ZNF75D: variants seen among roughly 807,000 people sequenced by gnomAD.
The protein encoded by ZNF75D is zinc finger protein 75D, also known as zinc finger protein 75.
ZNF75D carries 33 observed loss-of-function variants against 33.3 expected under a neutral mutation model. The ratio of observed to expected loss-of-function variants is 0.99; its 90% CI spans 0.75 to 1.32. ZNF75D has a LOEUF of 1.32. Among genes scored for constraint, ZNF75D ranks in the 40% most tolerant of loss-of-function variants. The pLI is 0.00. For synonymous variants in ZNF75D, 113 were observed against 130.6 expected (o/e 0.87, Z 0.92); for missense variants, 338 against 367.5 (o/e 0.92, Z 0.66).
At chrX:135,293,632 G>A (rs2084080124) in intron 3 of ZNF75D, 98 bp downstream of exon 3, 1 of 852,749 alleles carries the variant, frequency 1.2e-6, no homozygotes, top group Non-Finnish European at 1.6e-6. Context: ...AGCAACAGAA[G>A]AGCGACTTAA....
rs151088321 is a variant in ZNF75D, at chrX:135,319,306, A to ATG, written c.-391+22460_-391+22461dup. ...GTTTCTTGGATTCTGTAAAGTACTTATGTTCTTCTAATTAATTATTTTGTT... is the reference window on the plus strand; with the variant it reads ...GTTTCTTGGATTCTGTAAAGTACTTATGTGTTCTTCTAATTAATTATTTTGTT... On this transcript the variant is annotated intron_variant, in intron 1 of 6. Coordinates refer to ENST00000370766, the MANE Select transcript of ZNF75D (RefSeq NM_007131.5). Among the ~76,000 whole-genome samples the ATG allele has an allele frequency of 3.6e-3, 403 of 112,407 alleles. 3 individuals carry two copies. Among genetic ancestry groups the ATG allele is most frequent in the Non-Finnish European group, 6.0e-3 (322 of 53,319 alleles).
chrX:135,320,796 A>G (rs1371430655), intron 1 of ZNF75D, among the ~76,000 whole-genome samples: 7 of 111,403 alleles, frequency 6.3e-5, no homozygotes, highest in Non-Finnish European at 7.5e-5. Context: ...AATTCTTCCA[A>G]TGCATTATGG....
chrX:135,336,925 C>T (rs960756256), intron 1 of ZNF75D, among the ~76,000 whole-genome samples: 23 of 111,533 alleles, frequency 2.1e-4, no homozygotes, highest in Admixed American at 1.0e-3. Context: ...CTCCACTAAT[C>T]AGATACCTGC....
intron 1 of ZNF75D, among the ~76,000 whole-genome samples, chrX:135,339,244 T>C (rs1361670285): frequency 9.0e-6 from 1 of 111,602 alleles, no homozygotes. Flanking sequence ...GTATTGATGG[T>C]TTCCATCATG....
At chrX:135,340,974 G>A (rs782637217) in intron 1 of ZNF75D, among the ~76,000 whole-genome samples, 5 of 111,993 alleles carry the variant, frequency 4.5e-5, no homozygotes, top group Non-Finnish European at 9.4e-5. Context: ...CATAGTTACT[G>A]TAATGGGCAG....
chrX:135,301,314 AAC>A (rs2148477114), intron 1 of ZNF75D, among the ~76,000 whole-genome samples: 1 of 111,256 alleles, frequency 9.0e-6, no homozygotes, highest in African/African-American at 3.3e-5. Context: ...TTTGGGTGGG[AAC>A]ACAGAGCCAA....
chrX:135,313,080 T>G (rs782357213), intron 1 of ZNF75D, among the ~76,000 whole-genome samples: 1 of 111,964 alleles, frequency 8.9e-6, no homozygotes, highest in Non-Finnish European at 1.9e-5. Context: ...CTTATGCCAA[T>G]GTCCTGAAGA....
intron 1 of ZNF75D, among the ~76,000 whole-genome samples, chrX:135,258,764 T>C (rs1216831219): frequency 3.6e-5 from 4 of 112,212 alleles, no homozygotes; most frequent in East Asian, 2.8e-4. Context: ...ACTCTGATGG[T>C]AGTTTCTTTG....
At chrX:135,250,714 TG>T (rs2083778691) in intron 3 of ZNF75D, among the ~76,000 whole-genome samples, 1 of 91,176 alleles carries the variant, frequency 1.1e-5, no homozygotes, top group Non-Finnish European at 2.2e-5. Context: ...TCCAAAGTGC[TG>T]GGATTATAGG....
At chrX:135,290,153 C>T (rs1191852113) in intron 6 of ZNF75D, among the ~76,000 whole-genome samples, 1 of 111,880 alleles carries the variant, frequency 8.9e-6, no homozygotes, top group African/African-American at 3.3e-5. Flanking sequence ...TACAGTTGGC[C>T]TAATTATAAA....
chrX:135,321,903 G>T (rs1007727031), intron 1 of ZNF75D, among the ~76,000 whole-genome samples: 12 of 111,760 alleles, frequency 1.1e-4, no homozygotes, highest in Non-Finnish European at 2.3e-4. Flanking sequence ...GAGAGCTCAG[G>T]GTGCAAATAC....
chrX:135,268,373 C>G (rs2083870420), intron 1 of ZNF75D, among the ~76,000 whole-genome samples: 1 of 108,129 alleles, frequency 9.2e-6, no homozygotes, highest in Non-Finnish European at 1.9e-5. Context: ...AAAAACTCCA[C>G]CAAATAAGTA....
Position 135,287,039 on chromosome X carries a change from C to A in ZNF75D, c.*98G>T. 1 of 730,686 alleles carries A rather than the reference C, an allele frequency of 1.4e-6. No individual in the cohort carries two copies. The highest frequency in any genetic ancestry group is 2.0e-6 in the Non-Finnish European group (1 of 487,961). The allele number at this position is 730,686 out of a possible 1,213,427, so 60.2% of individuals were successfully genotyped here. A position where few individuals can be genotyped will look rare whatever the true frequency, so the allele number is the denominator to read the frequency against. ...TTGTGAAGTGTAACATGTACCCTTCCCAAATGTTTTATTAATCACAGATTC... is the reference window on the plus strand; with the variant it reads ...TTGTGAAGTGTAACATGTACCCTTCACAAATGTTTTATTAATCACAGATTC... On this transcript the variant is annotated 3_prime_UTR_variant, in exon 7 of 7. Coordinates refer to ENST00000370766, the MANE Select transcript of ZNF75D (RefSeq NM_007131.5).
intron 1 of ZNF75D, among the ~76,000 whole-genome samples, chrX:135,266,185 G>C (rs1274893817): frequency 1.8e-5 from 2 of 111,227 alleles, no homozygotes; most frequent in African/African-American, 6.5e-5. Flanking sequence ...CCTTCACTAA[G>C]AGGAAGACAG....
At chrX:135,329,644 A>G (rs1255265342) in intron 1 of ZNF75D, among the ~76,000 whole-genome samples, 1 of 112,132 alleles carries the variant, frequency 8.9e-6, no homozygotes. Context: ...GAATTCAGAA[A>G]AATTGCCTCT....
At chrX:135,283,735 CAAGGCAATA>C (rs2083929246), downstream of ZNF75D, among the ~76,000 whole-genome samples, 1 of 111,443 alleles carries the variant, frequency 9.0e-6, no homozygotes, top group African/African-American at 3.3e-5. Context: ...GCAGACAGAA[CAAGGCAATA>C]AAGGAGGAAG....
At chrX:135,282,225 G>A (rs1354115801), downstream of ZNF75D, among the ~76,000 whole-genome samples, 1 of 111,963 alleles carries the variant, frequency 8.9e-6, no homozygotes, top group Admixed American at 9.5e-5. Context: ...TTTGGCTAGC[G>A]TAGCTTTGTT....
intron 1 of ZNF75D, among the ~76,000 whole-genome samples, chrX:135,262,440 T>C (rs2083846443): frequency 8.9e-6 from 1 of 112,536 alleles, no homozygotes; most frequent in African/African-American, 3.2e-5. Context: ...CTATCAAACG[T>C]AGATTTGGTC....
chrX:135,293,008 T>C (rs2084069039), intron 3 of ZNF75D, among the ~76,000 whole-genome samples: 1 of 111,599 alleles, frequency 9.0e-6, no homozygotes, highest in South Asian at 3.8e-4. Context: ...TTGGTAGTAA[T>C]AAGACACCAA....
Sources: allele counts gnomAD v4.1 joint callset (sites outside exome capture counted in the v4.1 genomes callset), GRCh38; gene constraint gnomAD v4.1.1; transcripts MANE v1.5; gene names NCBI Gene and HGNC (gene_info 2026-07-23, HGNC 2026-07-21).